The following EIF4EBP1 variants were observed in gnomAD, a reference collection of about 807,000 sequenced individuals.
The protein encoded by EIF4EBP1 is eukaryotic translation initiation factor 4E binding protein 1, also known as eukaryotic translation initiation factor 4E-binding protein 1.
A neutral mutation model predicts 9.2 loss-of-function variants in EIF4EBP1; 5 were observed. The ratio of observed to expected loss-of-function variants is 0.54; its 90% confidence interval spans 0.28 to 1.14. EIF4EBP1 has a LOEUF of 1.14. EIF4EBP1 is among the 50% of genes most tolerant of loss of function. EIF4EBP1 has a pLI of 0.09. For synonymous variants in EIF4EBP1, 62 were observed against 67.0 expected (o/e 0.93, Z 0.36); for missense variants, 139 against 169.6 (o/e 0.82, Z 1.00).
At chr8:38,051,010 C>T (rs1809512779) in intron 1 of EIF4EBP1, among the ~76,000 whole-genome samples, 2 of 152,102 alleles carry the variant, frequency 1.3e-5, no homozygotes, top group Admixed American at 6.5e-5. Context: ...TCTCTGTCAC[C>T]CCTCTCCTTG....
chr8:38,044,051 G>C (rs1421223002), intron 1 of EIF4EBP1, among the ~76,000 whole-genome samples: 2 of 152,068 alleles, frequency 1.3e-5, no homozygotes, highest in East Asian at 1.9e-4. Flanking sequence ...GATTGTCCAG[G>C]GTGTTTTGCT....
At chr8:38,052,319 G>A (rs1168033419) in intron 1 of EIF4EBP1, among the ~76,000 whole-genome samples, 2 of 151,482 alleles carry the variant, frequency 1.3e-5, no homozygotes, top group Non-Finnish European at 2.9e-5. Flanking sequence ...GGAGTCCAAT[G>A]GTGCAACCAC....
chr8:38,049,846 G>A (rs558064717), intron 1 of EIF4EBP1, among the ~76,000 whole-genome samples: 1 of 151,544 alleles, frequency 6.6e-6, no homozygotes, highest in East Asian at 1.9e-4. Context: ...TGGACTTCCT[G>A]CCATCCAATA....
chr8:38,039,402 C>CTTTTT (rs56390718), intron 1 of EIF4EBP1, among the ~76,000 whole-genome samples: 2 of 89,008 alleles, frequency 2.2e-5, no homozygotes, highest in Non-Finnish European at 4.5e-5. Context: ...GTACTAAATA[C>CTTTTT]TTTTTTTTTT....
chr8:38,059,830 G>A (rs1166849700), intron 2 of EIF4EBP1, 74 bp from the exon 3 acceptor site: 1 of 1,277,918 alleles, frequency 7.8e-7, no homozygotes, highest in Non-Finnish European at 1.1e-6. Flanking sequence ...TTTCTTTATA[G>A]CAATGAAAGA....
At chr8:38,058,130 C>T (rs181770119) in intron 2 of EIF4EBP1, among the ~76,000 whole-genome samples, 51 of 152,302 alleles carry the variant, frequency 3.3e-4, no homozygotes, top group African/African-American at 1.1e-3. Context: ...CCTCACAGTA[C>T]AAGACAGACA....
At chr8:38,037,530 G>A (rs1052624297) in intron 1 of EIF4EBP1, among the ~76,000 whole-genome samples, 16 of 151,786 alleles carry the variant, frequency 1.1e-4, no homozygotes, top group African/African-American at 3.6e-4. Context: ...GGCCAGGATG[G>A]TCTCAATCTC....
chr8:38,057,329 A>G (rs1390880580), intron 2 of EIF4EBP1, 69 bp downstream of exon 2: 1 of 1,508,044 alleles, frequency 6.6e-7, no homozygotes, highest in African/African-American at 1.4e-5. Flanking sequence ...GAGTCCATCC[A>G]CTGGGGGCAA....
At chr8:38,058,539 A>G in intron 2 of EIF4EBP1, among the ~76,000 whole-genome samples, 1 of 152,198 alleles carries the variant, frequency 6.6e-6, no homozygotes, top group Non-Finnish European at 1.5e-5. Flanking sequence ...TTCAAACCAT[A>G]GCATTCCAGC....
intron 2 of EIF4EBP1, among the ~76,000 whole-genome samples, chr8:38,059,438 C>A (rs1045018122): frequency 3.3e-5 from 5 of 152,226 alleles, no homozygotes; most frequent in Admixed American, 3.3e-4. Flanking sequence ...GTACAGCCTG[C>A]AGAACCGCGA....
intron 1 of EIF4EBP1, among the ~76,000 whole-genome samples, chr8:38,054,016 T>C (rs1809559197): frequency 6.6e-6 from 1 of 152,188 alleles, no homozygotes; most frequent in South Asian, 2.1e-4. Context: ...TGGTCAATGT[T>C]ATGTGTATTT....
intron 1 of EIF4EBP1, among the ~76,000 whole-genome samples, chr8:38,054,105 T>C (rs1415427202): frequency 1.3e-5 from 2 of 152,214 alleles, no homozygotes; most frequent in African/African-American, 4.8e-5. Flanking sequence ...CCCTGGGCGC[T>C]TCTTTGAGAC....
At chr8:38,038,593 C>G (rs1178921188) in intron 1 of EIF4EBP1, among the ~76,000 whole-genome samples, 2 of 151,872 alleles carry the variant, frequency 1.3e-5, no homozygotes, top group East Asian at 3.9e-4. Context: ...ACCTCCGCCT[C>G]TCAGGCTCAA....
Position 38,030,733 on chromosome 8 carries a change from G to A in EIF4EBP1, c.145+15G>A. The A allele has an allele frequency of 1.4e-6, 2 of 1,381,728 alleles. No individual in the cohort carries two copies. Among genetic ancestry groups the A allele is most frequent in the Non-Finnish European group, 1.9e-6 (2 of 1,074,032 alleles). The allele number at this position is 1,381,728 out of a possible 1,614,324, so 85.6% of individuals were successfully genotyped here. A position where few individuals can be genotyped will look rare whatever the true frequency, so the allele number is the denominator to read the frequency against. On this transcript the variant is annotated intron_variant, in intron 1 of 2. Transcript: ENST00000338825. The stretch of plus-strand genomic sequence containing the variant: ...CACCCCGGGAGGTAGGCGCGGGCTT[G>A]GCGACGCCGCTTGCCGGCTCCTGGG...
chr8:38,052,266 C>CT (rs879655309), intron 1 of EIF4EBP1, among the ~76,000 whole-genome samples: 88 of 143,854 alleles, frequency 6.1e-4, no homozygotes, highest in East Asian at 2.2e-3. Context: ...TAAGGTTTGT[C>CT]TTTTTTTTTT....
chr8:38,033,956 C>T (rs1161085200), intron 1 of EIF4EBP1, among the ~76,000 whole-genome samples: 5 of 151,956 alleles, frequency 3.3e-5, no homozygotes, highest in Non-Finnish European at 5.9e-5. Context: ...CCGTGTTAGC[C>T]AGGATGGTCT....
chr8:38,048,030 G>T (rs992957255), intron 1 of EIF4EBP1, among the ~76,000 whole-genome samples: 1 of 152,052 alleles, frequency 6.6e-6, no homozygotes, highest in Non-Finnish European at 1.5e-5. Flanking sequence ...ACAAAAACAG[G>T]CTGGGTGCAG....
chr8:38,059,315 T>C (rs1272596919), intron 2 of EIF4EBP1, among the ~76,000 whole-genome samples: 1 of 152,080 alleles, frequency 6.6e-6, no homozygotes, highest in Non-Finnish European at 1.5e-5. Context: ...CTCCACCCTC[T>C]CTCTTGCTCC....
intron 1 of EIF4EBP1, among the ~76,000 whole-genome samples, chr8:38,033,793 C>T (rs531229094): frequency 7.5e-6 from 1 of 133,800 alleles, no homozygotes; most frequent in African/African-American, 2.9e-5. Flanking sequence ...GTCGCCCAAG[C>T]TGGAGTGCAA....
Sources: allele counts gnomAD v4.1 joint callset (sites outside exome capture counted in the v4.1 genomes callset), GRCh38; gene constraint gnomAD v4.1.1; transcripts MANE v1.5; gene names NCBI Gene and HGNC (gene_info 2026-07-23, HGNC 2026-07-21).